Variants in FA2H observed in about 807,000 individuals in gnomAD.
FA2H encodes fatty acid alpha-hydroxylase.
In FA2H, 22 loss-of-function variants were observed where a neutral mutation model predicts 44.9. That is an observed-to-expected ratio of 0.49 (90% confidence interval 0.35 to 0.70). The LOEUF (loss-of-function observed/expected upper bound fraction) is 0.70, where lower values mean the gene tolerates loss of function less well. Among genes scored for constraint, FA2H ranks in the 30% least tolerant of loss-of-function variants. The pLI is 0.01. For missense variants in FA2H, 501 were observed against 504.9 expected, an observed-to-expected ratio of 0.99 and a Z score of 0.07; for synonymous variants, 243 against 213.2, an observed-to-expected ratio of 1.14 and a Z score of -1.22.
chr16:74,750,761 C>CTGTGTGTGTGTGTGTGTG (rs55799456), intron 1 of FA2H, among the ~76,000 whole-genome samples: 14,311 of 141,428 alleles, frequency 0.1, 833 homozygotes, highest in South Asian at 0.14. Flanking sequence ...TTTTTTTTCA[C>CTGTGTGTGTGTGTGTGTG]TGTGTGTGTG....
At chr16:74,727,038 G>A (rs187129933) in intron 3 of FA2H, among the ~76,000 whole-genome samples, 115 of 152,294 alleles carry the variant, frequency 7.6e-4, no homozygotes, top group African/African-American at 2.7e-3. Context: ...TGTAGTTTCT[G>A]GCTACATGCT....
At chr16:74,749,360 C>T (rs893577741) in intron 1 of FA2H, among the ~76,000 whole-genome samples, 10 of 151,990 alleles carry the variant, frequency 6.6e-5, no homozygotes, top group Non-Finnish European at 1.3e-4. Context: ...CGAAGCCCAC[C>T]CACCCCTCGC....
chr16:74,757,339 A>C (rs1962629239), intron 1 of FA2H, among the ~76,000 whole-genome samples: 1 of 152,254 alleles, frequency 6.6e-6, no homozygotes, highest in Admixed American at 6.5e-5. Context: ...GACTGCTAAC[A>C]CACAGAATTG....
intron 1 of FA2H, among the ~76,000 whole-genome samples, chr16:74,751,277 G>A (rs979395286): frequency 6.7e-6 from 1 of 150,242 alleles, no homozygotes; most frequent in East Asian, 2.0e-4. Context: ...TGTATTTTTA[G>A]TAGAGATGGG....
chr16:74,729,756 G>A (rs942899088), intron 2 of FA2H, among the ~76,000 whole-genome samples: 1 of 152,082 alleles, frequency 6.6e-6, no homozygotes, highest in Non-Finnish European at 1.5e-5. Context: ...GATCCTGGAC[G>A]TGCATCTTTT....
intron 1 of FA2H, among the ~76,000 whole-genome samples, chr16:74,753,934 T>A (rs1013132655): frequency 2.0e-5 from 3 of 152,254 alleles, no homozygotes; most frequent in Admixed American, 6.5e-5. Context: ...ATTCTTTAGT[T>A]ACACACGGAT....
chr16:74,774,426 C>T, intron 1 of FA2H, 60 bp downstream of exon 1: 2 of 1,446,632 alleles, frequency 1.4e-6, no homozygotes, highest in East Asian at 5.3e-5. Context: ...CGGGGCTCGC[C>T]CGGGAGTGGA....
chr16:74,723,938 G>A (rs1361535708), intron 4 of FA2H, among the ~76,000 whole-genome samples: 2 of 152,026 alleles, frequency 1.3e-5, no homozygotes, highest in African/African-American at 4.8e-5. Flanking sequence ...ATCTCACTCT[G>A]TCATCCAGGC....
At chr16:74,752,674 G>A (rs1962548590) in intron 1 of FA2H, among the ~76,000 whole-genome samples, 1 of 152,162 alleles carries the variant, frequency 6.6e-6, no homozygotes, top group African/African-American at 2.4e-5. Context: ...CAGGGTGCCT[G>A]GCACAGAGGA....
At chr16:74,755,555 T>G (rs1962596976) in intron 1 of FA2H, among the ~76,000 whole-genome samples, 1 of 152,236 alleles carries the variant, frequency 6.6e-6, no homozygotes, top group African/African-American at 2.4e-5. Flanking sequence ...GCTGTTATTT[T>G]ATTTTTCTAC....
At chr16:74,742,706 T>C (rs1170663275) in intron 1 of FA2H, among the ~76,000 whole-genome samples, 13 of 152,010 alleles carry the variant, frequency 8.6e-5, no homozygotes, top group Admixed American at 5.9e-4. Flanking sequence ...GTGGTGGTAG[T>C]GTGCGCTTGC....
rs1220623749 is a variant in FA2H, at chr16:74,713,062, G to A, written c.*1128C>T. 6.6e-6 allele frequency: 1 copy of A among 152,516 alleles called. No individual in the cohort carries two copies. The allele number at this position is 152,516 out of a possible 1,614,324, so 9.4% of individuals were successfully genotyped here. Reference sequence around the variant, plus strand: ...TATTCCAAAATCTTTAAATAGCTCCGCAGCAAACAGTACAAATCACAAGGT... The same window carrying A: ...TATTCCAAAATCTTTAAATAGCTCCACAGCAAACAGTACAAATCACAAGGT... On this transcript the variant is annotated 3_prime_UTR_variant, in exon 7 of 7. Transcript: ENST00000219368.
At chr16:74,755,477 G>A (rs1165713534) in intron 1 of FA2H, among the ~76,000 whole-genome samples, 4 of 152,094 alleles carry the variant, frequency 2.6e-5, no homozygotes, top group Non-Finnish European at 5.9e-5. Flanking sequence ...TCCTGTGTAC[G>A]GTGCTTTGTG....
At chr16:74,748,469 T>C (rs1165458607) in intron 1 of FA2H, among the ~76,000 whole-genome samples, 1 of 152,100 alleles carries the variant, frequency 6.6e-6, no homozygotes, top group African/African-American at 2.4e-5. Flanking sequence ...GAATGACTTA[T>C]TCAAGATCTC....
chr16:74,725,492 C>T (rs8056830), intron 4 of FA2H, among the ~76,000 whole-genome samples: 23,233 of 152,222 alleles, frequency 0.15, 1,876 homozygotes, highest in Non-Finnish European at 0.17. Flanking sequence ...CCATATCAGC[C>T]TGTCTTTTCA....
At chr16:74,767,820 C>A (rs1015442570) in intron 1 of FA2H, among the ~76,000 whole-genome samples, 1 of 152,162 alleles carries the variant, frequency 6.6e-6, no homozygotes, top group South Asian at 2.1e-4. Context: ...GAGAAGCAAT[C>A]AAAAATGAAT....
chr16:74,738,070 T>C (rs1275046198), intron 2 of FA2H, among the ~76,000 whole-genome samples: 1 of 152,182 alleles, frequency 6.6e-6, no homozygotes, highest in Non-Finnish European at 1.5e-5. Flanking sequence ...GCTGATTTTC[T>C]GGGGCGCTGA....
chr16:74,743,482 G>A (rs1962352972), intron 1 of FA2H, among the ~76,000 whole-genome samples: 1 of 152,236 alleles, frequency 6.6e-6, no homozygotes, highest in African/African-American at 2.4e-5. Context: ...GAGACAGGGG[G>A]AAGGGCAGTG....
At chr16:74,763,567 T>C (rs938179651) in intron 1 of FA2H, among the ~76,000 whole-genome samples, 2 of 152,208 alleles carry the variant, frequency 1.3e-5, no homozygotes, top group African/African-American at 4.8e-5. Flanking sequence ...CTGGAATTTA[T>C]AAACTAAAAC....
Sources: allele counts gnomAD v4.1 joint callset (sites outside exome capture counted in the v4.1 genomes callset), GRCh38; gene constraint gnomAD v4.1.1; transcripts MANE v1.5; gene names NCBI Gene and HGNC (gene_info 2026-07-23, HGNC 2026-07-21).